The following SORCS1 variants were observed in gnomAD, a reference collection of about 807,000 sequenced individuals.
SORCS1 encodes the protein sortilin related VPS10 domain containing receptor 1, also known as VPS10 domain-containing receptor SorCS1.
A neutral mutation model predicts 146.1 loss-of-function variants in SORCS1; 60 were observed. The observed-to-expected ratio is 0.41, with a 90% CI of 0.33 to 0.51. The LOEUF (loss-of-function observed/expected upper bound fraction) is 0.51. Ranked by LOEUF, SORCS1 falls within the 20% of genes least tolerant of loss-of-function variation. SORCS1 has a pLI of 0.21. For missense variants in SORCS1, 1,352 were observed against 1,487.6 expected (o/e 0.91, Z 1.50); for synonymous variants, 637 against 584.0 (o/e 1.09, Z -1.31).
At position 106,826,009 on chromosome 10, in the gene SORCS1, C is replaced by A. The variant is rs139992290; in HGVS notation, c.726+3565G>T. ...GAAAGCTGCTGTAATTTACAGCAGGCTTGCAGGGAAACAGTCGATGGATGA... is the reference window on the plus strand; with the variant it reads ...GAAAGCTGCTGTAATTTACAGCAGGATTGCAGGGAAACAGTCGATGGATGA... On this transcript the variant is annotated intron_variant, in intron 3 of 25. Coordinates refer to ENST00000263054, the MANE Select transcript of SORCS1 (RefSeq NM_052918.5). Among the ~76,000 whole-genome samples, 747 of 152,260 alleles carry A rather than the reference C, an allele frequency of 4.9e-3. 4 individuals are homozygous for A. Among genetic ancestry groups the A allele is most frequent in the African/African-American group, 0.017 (691 of 41,550 alleles).
At chr10:107,086,921 C>T (rs542931926) in intron 1 of SORCS1, among the ~76,000 whole-genome samples, 29 of 152,238 alleles carry the variant, frequency 1.9e-4, no homozygotes, top group African/African-American at 6.7e-4. Flanking sequence ...CCCAGCTACT[C>T]GGGAGGCTGA....
rs186065327 is a variant in SORCS1, at chr10:106,847,866, T to A, written c.627-18193A>T. The stretch of plus-strand genomic sequence containing the variant: ...TACCCAGTAGTCATTCAGGAGCAGG[T>A]TGTTCAGTTTCCATGTAGTTGAGTG... On this transcript the variant is annotated intron_variant, in intron 2 of 25. Coordinates refer to ENST00000263054, the MANE Select transcript of SORCS1 (RefSeq NM_052918.5). Among the ~76,000 whole-genome samples, 243 of 149,648 alleles carry A rather than the reference T, an allele frequency of 1.6e-3. 13 individuals carry two copies. Among genetic ancestry groups the A allele is most frequent in the African/African-American group, 5.7e-3 (231 of 40,314 alleles).
At chr10:107,069,070 C>T (rs1350955722) in intron 1 of SORCS1, among the ~76,000 whole-genome samples, 1 of 152,012 alleles carries the variant, frequency 6.6e-6, no homozygotes, top group Non-Finnish European at 1.5e-5. Flanking sequence ...ACCTTTCTGA[C>T]TATAAACTGA....
In SORCS1 at chr10:106,597,339, A is replaced by G. The variant is rs1365246899; in HGVS notation, c.3265+12T>C. 4 of 1,612,670 alleles carry G rather than the reference A, an allele frequency of 2.5e-6. No individual in the cohort carries two copies. Among genetic ancestry groups the G allele is most frequent in the South Asian group, 2.2e-5 (2 of 90,994 alleles). On this transcript the variant is annotated intron_variant, in intron 24 of 25. Coordinates refer to ENST00000263054, the MANE Select transcript of SORCS1 (RefSeq NM_052918.5). Reference sequence around the variant, plus strand: ...GAGCCACCAGCCAGAACCCCGGGACATGGACACTGACCCGCTGTTAAGTGA... The same window carrying G: ...GAGCCACCAGCCAGAACCCCGGGACGTGGACACTGACCCGCTGTTAAGTGA...
At chr10:106,785,851 A>G (rs761202301) in intron 3 of SORCS1, among the ~76,000 whole-genome samples, 1 of 152,196 alleles carries the variant, frequency 6.6e-6, no homozygotes, top group Non-Finnish European at 1.5e-5. Context: ...CATATTAACA[A>G]TGAGGTCCAT....
intron 8 of SORCS1, among the ~76,000 whole-genome samples, chr10:106,706,097 C>A (rs1281879876): frequency 6.6e-6 from 1 of 151,736 alleles, no homozygotes; most frequent in Non-Finnish European, 1.5e-5. Flanking sequence ...GTTAGAAAAC[C>A]AATACATATG....
At chr10:106,869,705 G>A (rs758318217) in intron 2 of SORCS1, among the ~76,000 whole-genome samples, 29 of 152,130 alleles carry the variant, frequency 1.9e-4, no homozygotes, top group Non-Finnish European at 4.1e-4. Flanking sequence ...AATAATAGGA[G>A]CTATATATGA....
chr10:106,685,228 AC>A (rs946799416), intron 10 of SORCS1, among the ~76,000 whole-genome samples: 2 of 152,062 alleles, frequency 1.3e-5, no homozygotes, highest in African/African-American at 4.8e-5. Flanking sequence ...CTGTCACAAC[AC>A]CTTTCGATGG....
At position 106,610,610 on chromosome 10, in the gene SORCS1, C is replaced by T. The variant is rs1846911474; in HGVS notation, c.3033+1301G>A. On this transcript the variant is annotated intron_variant, in intron 22 of 25. Coordinates refer to ENST00000263054, the MANE Select transcript of SORCS1 (RefSeq NM_052918.5). ...CCTTTATTTCATCATCTTTTTGTGT[C>T]CTGTGGCACCATGTGTTGGAAGCAG... Among the ~76,000 whole-genome samples the T allele has an allele frequency of 2.6e-5, 4 of 152,186 alleles. No homozygotes were observed. The South Asian group carries it at 8.3e-4, about 32-fold the overall frequency.
At chr10:106,687,547 C>T (rs1364845731) in intron 10 of SORCS1, among the ~76,000 whole-genome samples, 1 of 152,100 alleles carries the variant, frequency 6.6e-6, no homozygotes, top group Non-Finnish European at 1.5e-5. Flanking sequence ...CAGCCGTCAA[C>T]AATACATGAA....
At chr10:106,918,192 G>A (rs561856345) in intron 2 of SORCS1, among the ~76,000 whole-genome samples, 5 of 152,110 alleles carry the variant, frequency 3.3e-5, no homozygotes, top group East Asian at 3.9e-4. Context: ...ACGGAGTCTC[G>A]CTCTGTCGCC....
At chr10:106,780,059 A>G (rs1332329954) in intron 3 of SORCS1, among the ~76,000 whole-genome samples, 1 of 152,202 alleles carries the variant, frequency 6.6e-6, no homozygotes, top group African/African-American at 2.4e-5. Flanking sequence ...AAATAAGCTA[A>G]TAAGTAAAAA....
At chr10:106,831,147 C>T (rs372205503) in intron 2 of SORCS1, among the ~76,000 whole-genome samples, 4 of 152,094 alleles carry the variant, frequency 2.6e-5, no homozygotes, top group Non-Finnish European at 4.4e-5. Context: ...GAGCCAAGAT[C>T]GTGCCACTGC....
At chr10:107,165,993 C>G (rs996795436), upstream of SORCS1, among the ~76,000 whole-genome samples, 3 of 152,174 alleles carry the variant, frequency 2.0e-5, no homozygotes, top group Non-Finnish European at 4.4e-5. The surrounding 1 kb of genome is among the most constrained non-coding windows in gnomAD (Gnocchi z 4.0). Flanking sequence ...TTGAAAACGG[C>G]AAAGGATTTC....
At chr10:106,747,758 C>A (rs1857848083) in intron 5 of SORCS1, among the ~76,000 whole-genome samples, 1 of 152,028 alleles carries the variant, frequency 6.6e-6, no homozygotes, top group Non-Finnish European at 1.5e-5. Context: ...CTACAGTTAA[C>A]AATAATCTAT....
At chr10:106,585,781 C>G (rs1302533184) in intron 24 of SORCS1, among the ~76,000 whole-genome samples, 1 of 152,186 alleles carries the variant, frequency 6.6e-6, no homozygotes, top group Non-Finnish European at 1.5e-5. Flanking sequence ...TCTGCTTTTT[C>G]TCTTGGAATC....
intron 1 of SORCS1, among the ~76,000 whole-genome samples, chr10:106,998,022 C>A (rs1957070932): frequency 6.6e-6 from 1 of 152,110 alleles, no homozygotes; most frequent in Admixed American, 6.6e-5. Flanking sequence ...AGGAGAAGAC[C>A]TCACTTAAAT....
intron 5 of SORCS1, among the ~76,000 whole-genome samples, chr10:106,733,146 A>G (rs1303018363): frequency 6.6e-6 from 1 of 151,362 alleles, no homozygotes; most frequent in Non-Finnish European, 1.5e-5. Flanking sequence ...GAAAAGAAAA[A>G]GAAAAAAAAG....
intron 2 of SORCS1, among the ~76,000 whole-genome samples, chr10:106,937,324 C>T (rs1162918458): frequency 6.7e-6 from 1 of 148,180 alleles, no homozygotes; most frequent in Non-Finnish European, 1.5e-5. Context: ...GTGCCCACCA[C>T]CATGCCCAGC....
Sources: gnomAD v4.1 joint callset for allele counts (sites outside exome capture counted in the v4.1 genomes callset) on GRCh38, gnomAD v4.1.1 for gene constraint, Gnocchi (gnomAD v3.1) non-coding constraint, MANE v1.5 for transcripts, NCBI Gene and HGNC (gene_info 2026-07-23, HGNC 2026-07-21) for gene names.